CFAP299: variants seen among roughly 807,000 people sequenced by gnomAD.
CFAP299 encodes cilia and flagella associated protein 299.
CFAP299 carries 21 observed loss-of-function variants against 27.0 expected under a neutral mutation model. That is an observed-to-expected ratio of 0.78 (90% CI 0.55 to 1.12). The LOEUF (loss-of-function observed/expected upper bound fraction) is 1.12, where lower values mean the gene tolerates loss of function less well. Among genes scored for constraint, CFAP299 ranks in the 50% most tolerant of loss-of-function variants. CFAP299 has a pLI of 0.00. For missense variants in CFAP299, 310 were observed against 276.6 expected, an observed-to-expected ratio of 1.12 and a Z score of -0.86; for synonymous variants, 104 against 98.1, an observed-to-expected ratio of 1.06 and a Z score of -0.36.
intron 2 of CFAP299, among the ~76,000 whole-genome samples, chr4:80,488,718 C>A (rs534828549): frequency 6.6e-6 from 1 of 152,116 alleles, no homozygotes; most frequent in Non-Finnish European, 1.5e-5. Flanking sequence ...CCTTGTGATC[C>A]GCCCACCTTG....
chr4:80,376,367 C>T (rs1724409965), intron 2 of CFAP299, among the ~76,000 whole-genome samples: 1 of 151,968 alleles, frequency 6.6e-6, no homozygotes, highest in African/African-American at 2.4e-5. Context: ...AATAAACTTC[C>T]TGTAAATATT....
chr4:80,916,252 A>AATATATAT (rs10696316), intron 4 of CFAP299, among the ~76,000 whole-genome samples: 837 of 60,768 alleles, frequency 0.014, 38 homozygotes, highest in Middle Eastern at 0.035. Flanking sequence ...ACTAGACTGA[A>AATATATAT]ATATATATAT....
At chr4:80,894,186 G>A (rs1734494878) in intron 4 of CFAP299, among the ~76,000 whole-genome samples, 1 of 151,876 alleles carries the variant, frequency 6.6e-6, no homozygotes, top group Non-Finnish European at 1.5e-5. Context: ...ACACTTGTTA[G>A]AATGGGCATT....
intron 2 of CFAP299, among the ~76,000 whole-genome samples, chr4:80,581,400 A>C (rs1372057953): frequency 6.9e-6 from 1 of 144,500 alleles, no homozygotes; most frequent in African/African-American, 2.6e-5. Context: ...GTTATTTTCC[A>C]TGTATATTTA....
rs112483061 is a variant in CFAP299, at chr4:80,431,244, C to T, written c.242+68360C>T. Reference sequence around the variant, plus strand: ...GTAACTGGAATGGTATCTGGCATTCCGGACTCAATGCAATGTGGGCCTCTA... The same window carrying T: ...GTAACTGGAATGGTATCTGGCATTCTGGACTCAATGCAATGTGGGCCTCTA... On this transcript the variant is annotated intron_variant, in intron 2 of 5. Coordinates refer to ENST00000358105, the MANE Select transcript of CFAP299 (RefSeq NM_152770.3). Among the ~76,000 whole-genome samples, 8 of 152,236 alleles carry T rather than the reference C, an allele frequency of 5.3e-5. 1 individual carries two copies. Among genetic ancestry groups the T allele is most frequent in the African/African-American group, 1.7e-4 (7 of 41,548 alleles).
chr4:80,672,232 G>A (rs751627312), intron 3 of CFAP299, among the ~76,000 whole-genome samples: 14 of 152,014 alleles, frequency 9.2e-5, no homozygotes, highest in African/African-American at 9.7e-5. Flanking sequence ...GAATTTTATC[G>A]AAGGTCTTTT....
At chr4:80,598,308 T>G (rs532894881) in intron 3 of CFAP299, among the ~76,000 whole-genome samples, 53 of 152,326 alleles carry the variant, frequency 3.5e-4, no homozygotes, top group Non-Finnish European at 6.6e-4. Flanking sequence ...GTGCTATAGA[T>G]TCCTATTACC....
intron 3 of CFAP299, among the ~76,000 whole-genome samples, chr4:80,586,720 TG>T (rs11308822): frequency 0.042 from 6,437 of 152,202 alleles, 420 homozygotes; most frequent in African/African-American, 0.14. Context: ...TAAGAATCCC[TG>T]ATTTGTTGAG....
intron 2 of CFAP299, among the ~76,000 whole-genome samples, chr4:80,536,339 T>C (rs1334821332): frequency 6.6e-6 from 1 of 152,180 alleles, no homozygotes; most frequent in Non-Finnish European, 1.5e-5. Flanking sequence ...AAATCTGTGA[T>C]TTGTCTCTAC....
At chr4:80,720,753 A>G (rs1444935585) in intron 3 of CFAP299, among the ~76,000 whole-genome samples, 2 of 152,168 alleles carry the variant, frequency 1.3e-5, no homozygotes, top group African/African-American at 4.8e-5. Flanking sequence ...TGCTACCCAT[A>G]ATAAATTCTT....
At chr4:80,351,822 CATT>C (rs1243425668) in intron 1 of CFAP299, among the ~76,000 whole-genome samples, 1 of 149,912 alleles carries the variant, frequency 6.7e-6, no homozygotes, top group African/African-American at 2.4e-5. Flanking sequence ...ATATTAATAA[CATT>C]AAATTAACAA....
At chr4:80,435,975 G>A (rs995820540) in intron 2 of CFAP299, among the ~76,000 whole-genome samples, 1 of 152,186 alleles carries the variant, frequency 6.6e-6, no homozygotes, top group African/African-American at 2.4e-5. Flanking sequence ...ATCACCAGAT[G>A]AGAGGGACTT....
intron 4 of CFAP299, among the ~76,000 whole-genome samples, chr4:80,925,681 A>C (rs756798519): frequency 2.0e-5 from 3 of 152,082 alleles, no homozygotes; most frequent in Non-Finnish European, 4.4e-5. Flanking sequence ...GTGAAAAAAA[A>C]GACTAAAGAT....
At chr4:80,573,417 C>A (rs1030535269) in intron 2 of CFAP299, among the ~76,000 whole-genome samples, 1 of 151,998 alleles carries the variant, frequency 6.6e-6, no homozygotes, top group Non-Finnish European at 1.5e-5. Context: ...TGGGTTGTCT[C>A]TTTACTTTGT....
chr4:80,886,547 A>C (rs980964347), intron 4 of CFAP299, among the ~76,000 whole-genome samples: 3 of 152,240 alleles, frequency 2.0e-5, no homozygotes, highest in Admixed American at 6.5e-5. Flanking sequence ...TAAAAATCAC[A>C]GCACGATTGG....
chr4:80,667,214 T>A (rs1741183926), intron 3 of CFAP299, among the ~76,000 whole-genome samples: 1 of 152,206 alleles, frequency 6.6e-6, no homozygotes, highest in Non-Finnish European at 1.5e-5. Context: ...CTTTTATTGA[T>A]CTACAAAGAT....
rs201261170 is a variant in CFAP299, at chr4:80,688,458, C to T, written c.333+105275C>T. ...GACACCTCACACAGCCGGCCGGGTA[C>T]TCCAACAGACCTGCACCTGAGGGTC... On this transcript the variant is annotated intron_variant, in intron 3 of 5. Transcript: ENST00000358105. Among the ~76,000 whole-genome samples, 139 of 152,226 alleles carry T rather than the reference C, an allele frequency of 9.1e-4. 2 individuals are homozygous for T. The East Asian group carries it at 0.026, about 28-fold the overall frequency.
intron 1 of CFAP299, among the ~76,000 whole-genome samples, chr4:80,342,694 A>G (rs933991354): frequency 6.6e-6 from 1 of 152,208 alleles, no homozygotes; most frequent in Non-Finnish European, 1.5e-5. Flanking sequence ...AGGAAAAATC[A>G]TTACCAGCCA....
At chr4:80,881,545 C>T (rs993510455) in intron 4 of CFAP299, among the ~76,000 whole-genome samples, 3 of 146,154 alleles carry the variant, frequency 2.1e-5, no homozygotes, top group Non-Finnish European at 4.6e-5. Context: ...TTACAGTGTG[C>T]TCCTTGTTGA....
Sources: allele counts gnomAD v4.1 joint callset (sites outside exome capture counted in the v4.1 genomes callset), GRCh38; gene constraint gnomAD v4.1.1; transcripts MANE v1.5; gene names NCBI Gene and HGNC (gene_info 2026-07-23, HGNC 2026-07-21).